The following FANCM variants were observed in gnomAD, a reference collection of about 807,000 sequenced individuals.
FANCM encodes Fanconi anemia group M protein.
Under a neutral mutation model 199.5 loss-of-function variants are expected in FANCM, and 140 were observed. The ratio of observed to expected loss-of-function variants is 0.70; its 90% CI spans 0.61 to 0.81. FANCM has a LOEUF of 0.81. Ranked by LOEUF, FANCM falls within the 30% of genes least tolerant of loss-of-function variation. The pLI is 0.00. For synonymous variants in FANCM, 840 were observed against 836.8 expected (o/e 1.00, Z -0.07); for missense variants, 2,410 against 2,421.4 (o/e 1.00, Z 0.10).
At chr14:45,172,426 A>G (rs1001722578) in intron 12 of FANCM, among the ~76,000 whole-genome samples, 2 of 152,146 alleles carry the variant, frequency 1.3e-5, no homozygotes, top group Non-Finnish European at 2.9e-5. Flanking sequence ...TGATTTTTGT[A>G]TAAGGTGAGG....
intron 8 of FANCM, among the ~76,000 whole-genome samples, chr14:45,157,592 A>T (rs1237494179): frequency 6.6e-6 from 1 of 152,198 alleles, no homozygotes; most frequent in Non-Finnish European, 1.5e-5. Context: ...TAGTGGAATG[A>T]GGGTAAAAAG....
rs539486446 is a variant in FANCM at position 45,193,560 on chromosome 14, C to T, written c.5341-2612C>T. Among the ~76,000 whole-genome samples the T allele has an allele frequency of 5.3e-5, 8 of 152,288 alleles. No individual in the cohort carries two copies. In the South Asian group the frequency reaches 1.2e-3, roughly 24 times the overall value. On this transcript the variant is annotated intron_variant, in intron 20 of 22. Coordinates refer to ENST00000267430, the MANE Select transcript of FANCM (RefSeq NM_020937.4). ...CTTTGATTCATTTTGAGCTAACTTT[C>T]GTTAATGATATAAAAGTCCAGCTTT...
chr14:45,146,547 C>T (rs1262991365), intron 3 of FANCM, among the ~76,000 whole-genome samples: 1 of 151,946 alleles, frequency 6.6e-6, no homozygotes, highest in African/African-American at 2.4e-5. Flanking sequence ...CTCGTTTAAA[C>T]ATTCATGTTT....
Position 45,176,013 on chromosome 14 carries a change from A to C in FANCM, c.3259A>C (p.Lys1087Gln). The change falls in exon 14 of 23, where the codon AAA (lysine) becomes CAA (glutamine). Residue 1087 changes from lysine (K) to glutamine (Q), a missense_variant. By Grantham distance (53) the Lys-to-Gln change is moderately conservative. Transcript: ENST00000267430. ...EPSLCDCDVH[K>Q]HNQNENLVPN... The stretch of plus-strand genomic sequence containing the variant: ...AAGTCTCTGTGACTGTGATGTACAT[A>C]AACATAATCAAAATGAAAATTTAGT... 4 of 1,613,704 alleles carry C rather than the reference A, an allele frequency of 2.5e-6. No homozygotes were observed. The highest frequency in any genetic ancestry group is 3.4e-6 in the Non-Finnish European group (4 of 1,179,628).
rs751927264 is a variant in FANCM at position 45,154,020 on chromosome 14, T to C, written c.1151T>C (p.Phe384Ser). The part of the protein sequence containing the change: ...LQQMGMRSLY[F>S]FLCGIMDGTK... ...CAAATGGGAATGAGATCATTATATT[T>C]CTTCCTTTGTGGAATTATGGATGGA... The change falls in exon 6 of 23, where the codon TTC (phenylalanine) becomes TCC (serine). Residue 384 changes from phenylalanine (F) to serine (S), a missense_variant. Transcript: ENST00000267430. 1 of 1,571,378 alleles carries C rather than the reference T, an allele frequency of 6.4e-7. No individual in the cohort carries two copies. Among genetic ancestry groups the C allele is most frequent in the South Asian group, 1.1e-5 (1 of 90,178 alleles).
intron 5 of FANCM, among the ~76,000 whole-genome samples, chr14:45,152,809 A>T (rs1488726964): frequency 6.6e-6 from 1 of 152,228 alleles, no homozygotes; most frequent in Non-Finnish European, 1.5e-5. Context: ...AACTTTAACT[A>T]TTATACCACG....
At chr14:45,182,055 TAA>T (rs1889107645) in intron 16 of FANCM, among the ~76,000 whole-genome samples, 1 of 152,218 alleles carries the variant, frequency 6.6e-6, no homozygotes, top group Non-Finnish European at 1.5e-5. Flanking sequence ...AAAACTGTCA[TAA>T]GTTACTCAAT....
At chr14:45,189,770 A>G (rs1468014219) in intron 20 of FANCM, among the ~76,000 whole-genome samples, 2 of 152,118 alleles carry the variant, frequency 1.3e-5, no homozygotes, top group African/African-American at 4.8e-5. Context: ...GGAGTTCAAG[A>G]CTAGCCTGGC....
intron 9 of FANCM, among the ~76,000 whole-genome samples, chr14:45,161,507 T>G (rs1887604664): frequency 6.6e-6 from 1 of 152,042 alleles, no homozygotes; most frequent in Non-Finnish European, 1.5e-5. Flanking sequence ...AGCCGGACAC[T>G]GTGGCTCATG....
At chr14:45,183,313 T>C (rs187233935) in intron 16 of FANCM, among the ~76,000 whole-genome samples, 13 of 152,326 alleles carry the variant, frequency 8.5e-5, no homozygotes, top group Admixed American at 5.2e-4. Context: ...ATAAGAGATA[T>C]GGTGATAGGC....
At position 45,181,420 on chromosome 14, in the gene FANCM, T is replaced by C; in HGVS notation, c.4223-10T>C. 1 of 1,484,702 alleles carries C rather than the reference T, an allele frequency of 6.7e-7. No homozygotes were observed. The highest frequency in any genetic ancestry group is 9.4e-7 in the Non-Finnish European group (1 of 1,066,086). The allele number at this position is 1,484,702 out of a possible 1,614,324, so 92.0% of individuals were successfully genotyped here. A position where few individuals can be genotyped will look rare whatever the true frequency, so the allele number is the denominator to read the frequency against. Reference sequence around the variant, plus strand: ...ATTAACCATTCATTATTTTAAAAAATAAATTATAGATGGACAATTATTAAC... The same window carrying C: ...ATTAACCATTCATTATTTTAAAAAACAAATTATAGATGGACAATTATTAAC... On this transcript the variant is annotated splice_polypyrimidine_tract_variant and intron_variant, in intron 14 of 22. Transcript: ENST00000267430.
chr14:45,189,266 C>T lies in FANCM; in HGVS notation c.5244C>T (p.Phe1748=), dbSNP rs2139298089. Residue 1748 remains phenylalanine (F), a synonymous_variant, in exon 20 of 23, where the codon TTC becomes TTT. Coordinates refer to ENST00000267430, the MANE Select transcript of FANCM (RefSeq NM_020937.4). ...LKDTISEVSD[F]KPQNHNEVQS... ...ATACAATTTCCGAAGTCTCAGACTT[C>T]AAACCTCAGAATCATAATGAAGTCC... is the stretch of plus-strand genomic sequence containing the variant. 6.2e-7 allele frequency: 1 copy of T among 1,613,942 alleles called. No homozygotes were observed. Among genetic ancestry groups the T allele is most frequent in the Non-Finnish European group, 8.5e-7 (1 of 1,179,864 alleles).
intron 10 of FANCM, among the ~76,000 whole-genome samples, chr14:45,165,853 AT>A (rs1343652804): frequency 4.6e-5 from 7 of 152,194 alleles, no homozygotes; most frequent in Admixed American, 3.9e-4. Context: ...GTGCTGCGTA[AT>A]GTTCCAAGTT....
chr14:45,149,131 T>C (rs1886640585), intron 4 of FANCM, 136 bp downstream of exon 4: 2 of 816,340 alleles, frequency 2.4e-6, no homozygotes, highest in Admixed American at 5.3e-5. Flanking sequence ...TTCTTTGAAG[T>C]TAAAATTTTT....
chr14:45,174,260 G>T (rs902160781), intron 13 of FANCM, among the ~76,000 whole-genome samples: 9 of 152,010 alleles, frequency 5.9e-5, no homozygotes, highest in Non-Finnish European at 1.3e-4. Context: ...GGTGGCACAT[G>T]CCTGTAATCC....
intron 4 of FANCM, among the ~76,000 whole-genome samples, chr14:45,151,070 A>G (rs1886783047): frequency 6.6e-6 from 1 of 152,266 alleles, no homozygotes; most frequent in Non-Finnish European, 1.5e-5. Context: ...CAGTGCAGAA[A>G]TCAAAGGTCT....
At chr14:45,160,540 T>G (rs1887526418) in intron 9 of FANCM, among the ~76,000 whole-genome samples, 1 of 149,624 alleles carries the variant, frequency 6.7e-6, no homozygotes, top group Non-Finnish European at 1.5e-5. Context: ...TGGTCAGGTA[T>G]TCTTTTTTTT....
At position 45,167,464 on chromosome 14, in the gene FANCM, C is replaced by G. The variant is rs1351690657; in HGVS notation, c.2002+301C>G. 8 of 334,164 alleles carry G rather than the reference C, an allele frequency of 2.4e-5. No homozygotes were observed. The Admixed American group carries it at 3.1e-4, about 13-fold the overall frequency. 20.7% of individuals were successfully genotyped at this position (334,164 alleles called of 1,614,324 possible). A position where few individuals can be genotyped will look rare whatever the true frequency, so the allele number is the denominator to read the frequency against. On this transcript the variant is annotated intron_variant, in intron 11 of 22. Transcript: ENST00000267430. ...GTTTTATTTTTTAATAAGCATTAAA[C>G]CAGATTACAATGTGCGCTGAAGATA...
At chr14:45,165,425 G>A (rs1887902930) in intron 10 of FANCM, among the ~76,000 whole-genome samples, 1 of 152,106 alleles carries the variant, frequency 6.6e-6, no homozygotes, top group Non-Finnish European at 1.5e-5. Context: ...GCGCACGTCT[G>A]TAATCCCAGC....
Sources: allele counts gnomAD v4.1 joint callset (sites outside exome capture counted in the v4.1 genomes callset), GRCh38; gene constraint gnomAD v4.1.1; transcripts MANE v1.5; gene names NCBI Gene and HGNC (gene_info 2026-07-23, HGNC 2026-07-21).